Variants in TMEM132D observed in about 807,000 individuals in gnomAD.
TMEM132D encodes the protein transmembrane protein 132D.
In TMEM132D, 21 loss-of-function variants were observed where a neutral mutation model predicts 62.3. The observed-to-expected ratio is 0.34, with a 90% CI of 0.24 to 0.49. The LOEUF (loss-of-function observed/expected upper bound fraction) is 0.49, where lower values mean the gene tolerates loss of function less well. Among genes scored for constraint, TMEM132D ranks in the 20% least tolerant of loss-of-function variants. The pLI is 0.99. For missense variants in TMEM132D, 1,346 were observed against 1,402.8 expected (o/e 0.96, Z 0.65); for synonymous variants, 621 against 575.6 (o/e 1.08, Z -1.13).
intron 2 of TMEM132D, among the ~76,000 whole-genome samples, chr12:129,685,156 T>A (rs1318590007): frequency 1.3e-5 from 2 of 152,202 alleles, no homozygotes; most frequent in African/African-American, 4.8e-5. Flanking sequence ...TACAGAAATT[T>A]GCCTAAGTAA....
chr12:129,174,737 T>A (rs1218115387), intron 5 of TMEM132D, among the ~76,000 whole-genome samples: 1 of 152,204 alleles, frequency 6.6e-6, no homozygotes, highest in Non-Finnish European at 1.5e-5. Flanking sequence ...CTCACCAGCA[T>A]CTATTGTTTC....
rs201591793 is a variant in TMEM132D at position 129,313,544 on chromosome 12, G to GAT, written c.1299+24088_1299+24089dup. ...AGTATTCCATCACATATATGTATAT[G>GAT]ATATATATATATGTGTGTGTGTGTG... On this transcript the variant is annotated intron_variant, in intron 4 of 8. Transcript: ENST00000422113. 8.2e-3 allele frequency among the ~76,000 whole-genome samples: 1,123 copies of GAT among 137,332 alleles called. 6 individuals carry two copies. Among genetic ancestry groups the GAT allele is most frequent in the African/African-American group, 0.017 (629 of 37,384 alleles). The allele number at this position is 137,332 out of a possible 152,430, so 90.1% of individuals were successfully genotyped here. A position where few individuals can be genotyped will look rare whatever the true frequency, so the allele number is the denominator to read the frequency against.
At chr12:129,159,025 C>A (rs1877324027) in intron 5 of TMEM132D, among the ~76,000 whole-genome samples, 1 of 152,222 alleles carries the variant, frequency 6.6e-6, no homozygotes, top group Non-Finnish European at 1.5e-5. Context: ...TATCCAATCA[C>A]TTCCCACTAG....
chr12:129,320,070 GAA>G (rs1186829633), intron 4 of TMEM132D, among the ~76,000 whole-genome samples: 1 of 152,168 alleles, frequency 6.6e-6, no homozygotes, highest in African/African-American at 2.4e-5. Context: ...AGAAACTTAG[GAA>G]TTGGGAGTCA....
At chr12:129,762,513 C>T (rs1315187767) in intron 1 of TMEM132D, among the ~76,000 whole-genome samples, 1 of 152,100 alleles carries the variant, frequency 6.6e-6, no homozygotes, top group Non-Finnish European at 1.5e-5. Flanking sequence ...CTTCTTTTCA[C>T]CCTTCTGAAG....
chr12:129,093,490 T>G (rs534872798), intron 5 of TMEM132D, among the ~76,000 whole-genome samples: 4 of 151,964 alleles, frequency 2.6e-5, no homozygotes, highest in Non-Finnish European at 5.9e-5. Context: ...ATGTGAAGGA[T>G]CTCTTCAAGG....
rs541393447 is a variant in TMEM132D, at chr12:129,593,491, T to G, written c.969-62286A>C. Among the ~76,000 whole-genome samples the G allele has an allele frequency of 2.7e-4, 41 of 152,294 alleles. 1 individual carries two copies. The highest frequency in any genetic ancestry group is 9.4e-4 in the African/African-American group (39 of 41,558). On this transcript the variant is annotated intron_variant, in intron 2 of 8. Transcript: ENST00000422113. ...AATCAGGTCTCAGACACTTGAAGGC[T>G]GGGAAAAGTTTTGGACTGATTTTAA... is the stretch of plus-strand genomic sequence containing the variant.
chr12:129,275,547 C>T (rs112368397), intron 4 of TMEM132D, among the ~76,000 whole-genome samples: 3,825 of 152,270 alleles, frequency 0.025, 58 homozygotes, highest in Non-Finnish European at 0.035. Context: ...CTTCATATCC[C>T]CTGGAGCTGA....
chr12:129,148,164 C>G (rs1876967499), intron 5 of TMEM132D, among the ~76,000 whole-genome samples: 1 of 152,126 alleles, frequency 6.6e-6, no homozygotes, highest in South Asian at 2.1e-4. Flanking sequence ...ATTTTTTTCT[C>G]TTTGTATCCA....
At chr12:129,169,880 G>T (rs1319256816) in intron 5 of TMEM132D, among the ~76,000 whole-genome samples, 3 of 152,074 alleles carry the variant, frequency 2.0e-5, no homozygotes, top group Admixed American at 6.5e-5. Flanking sequence ...ACACCCTTAA[G>T]CTTCTTCTAA....
intron 4 of TMEM132D, among the ~76,000 whole-genome samples, chr12:129,283,823 C>G (rs1284963011): frequency 6.6e-6 from 1 of 152,202 alleles, no homozygotes; most frequent in Non-Finnish European, 1.5e-5. Flanking sequence ...TGGAAGTGAG[C>G]CTCCAAAGAC....
intron 3 of TMEM132D, chr12:129,521,389 A>G (rs1566096704): frequency 6.6e-6 from 1 of 152,236 alleles, no homozygotes. Context: ...CCCTGATTAG[A>G]ATGGCTGGTG....
intron 2 of TMEM132D, among the ~76,000 whole-genome samples, chr12:129,672,452 C>T (rs1880522626): frequency 6.6e-6 from 1 of 152,168 alleles, no homozygotes; most frequent in African/African-American, 2.4e-5. Context: ...TCCTGTTAAG[C>T]ATCTGAGATT....
At chr12:129,439,526 T>C (rs1872881407) in intron 3 of TMEM132D, among the ~76,000 whole-genome samples, 2 of 152,126 alleles carry the variant, frequency 1.3e-5, no homozygotes, top group South Asian at 4.1e-4. Context: ...CTCAGCTTGC[T>C]ACAACCTCCC....
chr12:129,873,553 C>T (rs994090198), intron 1 of TMEM132D, among the ~76,000 whole-genome samples: 7 of 152,196 alleles, frequency 4.6e-5, no homozygotes, highest in African/African-American at 1.7e-4. Context: ...ATTTCAATGG[C>T]TAGACGCTGA....
chr12:129,885,713 T>C (rs900831146), intron 1 of TMEM132D, among the ~76,000 whole-genome samples: 35 of 152,250 alleles, frequency 2.3e-4, no homozygotes, highest in African/African-American at 8.4e-4. Flanking sequence ...CAATAGTTGC[T>C]AAGGATGAAG....
At chr12:129,898,813 C>T (rs1204135538) in intron 1 of TMEM132D, among the ~76,000 whole-genome samples, 5 of 152,138 alleles carry the variant, frequency 3.3e-5, no homozygotes, top group Non-Finnish European at 4.4e-5. Context: ...GTGCCCAGCA[C>T]GGTATGGGGT....
chr12:129,517,573 T>A (rs182287620), intron 3 of TMEM132D, among the ~76,000 whole-genome samples: 1 of 152,136 alleles, frequency 6.6e-6, no homozygotes, highest in African/African-American at 2.4e-5. Context: ...GACCCCTGAG[T>A]GGGGTGGACC....
At chr12:129,643,896 A>G (rs900953873) in intron 2 of TMEM132D, among the ~76,000 whole-genome samples, 1 of 151,174 alleles carries the variant, frequency 6.6e-6, no homozygotes, top group Non-Finnish European at 1.5e-5. Flanking sequence ...CCAGACTGGA[A>G]TGCAGTGGTT....
Sources: allele counts gnomAD v4.1 joint callset (sites outside exome capture counted in the v4.1 genomes callset), GRCh38; gene constraint gnomAD v4.1.1; transcripts MANE v1.5; gene names NCBI Gene and HGNC (gene_info 2026-07-23, HGNC 2026-07-21).